Variants in NR2C2 observed in about 807,000 individuals in gnomAD.
NR2C2 encodes Nuclear hormone receptor TR4.
NR2C2 carries 6 observed loss-of-function variants against 62.9 expected under a neutral mutation model. The ratio of observed to expected loss-of-function variants is 0.10; its 90% CI spans 0.05 to 0.19. The LOEUF (loss-of-function observed/expected upper bound fraction) is 0.19, where lower values mean the gene tolerates loss of function less well. Ranked by LOEUF, NR2C2 falls within the 10% of genes least tolerant of loss-of-function variation. The probability of loss-of-function intolerance (pLI) is 1.00; values close to 1 mark genes in which losing one functional copy is unlikely to be tolerated. For missense variants in NR2C2, 479 were observed against 762.7 expected, an observed-to-expected ratio of 0.63 and a Z score of 4.38; for synonymous variants, 272 against 273.8, an observed-to-expected ratio of 0.99 and a Z score of 0.07.
At chr3:15,009,655 T>G (rs1331378884) in intron 2 of NR2C2, among the ~76,000 whole-genome samples, 1 of 152,232 alleles carries the variant, frequency 6.6e-6, no homozygotes, top group Non-Finnish European at 1.5e-5. Flanking sequence ...ATTTAAGAAC[T>G]TTTGTTCCAA....
chr3:14,981,700 C>T (rs1428982749), intron 1 of NR2C2, among the ~76,000 whole-genome samples: 4 of 152,026 alleles, frequency 2.6e-5, no homozygotes, highest in Non-Finnish European at 5.9e-5. Flanking sequence ...GAAGTCAGTC[C>T]GAGTCCCAAG....
At chr3:14,950,374 A>T (rs1302349427) in intron 1 of NR2C2, among the ~76,000 whole-genome samples, 1 of 152,230 alleles carries the variant, frequency 6.6e-6, no homozygotes, top group Non-Finnish European at 1.5e-5. Flanking sequence ...GCGCCACTAG[A>T]ACCCACGTAA....
intron 7 of NR2C2, among the ~76,000 whole-genome samples, chr3:15,028,021 G>A (rs138575865): frequency 6.6e-6 from 1 of 152,144 alleles, no homozygotes; most frequent in Non-Finnish European, 1.5e-5. Context: ...ACCATGCCTG[G>A]CTAATTTTTT....
Position 14,957,001 on chromosome 3 carries a change from A to G in NR2C2, c.-40+9095A>G, listed in dbSNP as rs371866674. On this transcript the variant is annotated intron_variant, in intron 1 of 13. Transcript: ENST00000425241. ...GTGGCACCATCACCTTTCACCAATG[A>G]TAGCTACCATGTGTTGCATTTCTAT... Among the ~76,000 whole-genome samples the G allele has an allele frequency of 3.9e-5, 6 of 152,336 alleles. No individual in the cohort carries two copies. In the East Asian group the frequency reaches 7.7e-4, roughly 20 times the overall value.
chr3:15,019,208 C>CT (rs1246057117), intron 4 of NR2C2, among the ~76,000 whole-genome samples: 24 of 151,118 alleles, frequency 1.6e-4, no homozygotes, highest in African/African-American at 5.6e-4. Context: ...GTCTGAGTGA[C>CT]TAAGACTCTT....
rs1357686163 is a variant in NR2C2 at position 15,028,604 on chromosome 3, G to A, written c.817G>A (p.Ala273Thr). ...TDSKAETSQGALGTLANVVTS... is the reference protein window; with the variant it reads ...TDSKAETSQGTLGTLANVVTS... ...TTAATAGGCTGAAACAAGCCAGGGA[G>A]CTCTGGGCACACTGGCAAATGTAGT... is the stretch of plus-strand genomic sequence containing the variant. The change falls in exon 8 of 14, where the codon GCT (alanine) becomes ACT (threonine). Residue 273 changes from alanine (A) to threonine (T), a missense_variant. Around this residue, in one of 4 missense-constraint regions of NR2C2, gnomAD observed 151 missense variants for 176.1 expected, o/e 0.86. Coordinates refer to ENST00000425241, the MANE Select transcript of NR2C2 (RefSeq NM_001291694.2). 6.2e-7 allele frequency: 1 copy of A among 1,613,706 alleles called. No homozygotes were observed. The highest frequency in any genetic ancestry group is 8.5e-7 in the Non-Finnish European group (1 of 1,179,688).
rs76743561 is a variant in NR2C2 at position 14,979,153 on chromosome 3, C to T, written c.-39-24723C>T. 3.8e-4 allele frequency among the ~76,000 whole-genome samples: 58 copies of T among 152,194 alleles called. No homozygotes were observed. The East Asian group carries it at 6.4e-3, about 17-fold the overall frequency. Reference sequence around the variant, plus strand: ...ATATCTCCTTGACTATTCTTTTTGTCTTTGTGGGTTTGTACATTTTTGTTT... The same window carrying T: ...ATATCTCCTTGACTATTCTTTTTGTTTTTGTGGGTTTGTACATTTTTGTTT... On this transcript the variant is annotated intron_variant, in intron 1 of 13. Coordinates refer to ENST00000425241, the MANE Select transcript of NR2C2 (RefSeq NM_001291694.2).
intron 1 of NR2C2, among the ~76,000 whole-genome samples, chr3:14,984,264 C>CT (rs908468589): frequency 2.6e-5 from 4 of 152,136 alleles, no homozygotes; most frequent in Admixed American, 6.6e-5. Flanking sequence ...TGTCATCTCT[C>CT]TTTTTTTCCC....
intron 1 of NR2C2, among the ~76,000 whole-genome samples, chr3:14,976,972 AAT>A (rs556353645): frequency 8.3e-4 from 127 of 152,148 alleles, no homozygotes; most frequent in African/African-American, 2.9e-3. Flanking sequence ...TTTTTTCATA[AAT>A]GATACCGTGC....
At chr3:15,003,113 T>A (rs768151116) in intron 1 of NR2C2, among the ~76,000 whole-genome samples, 642 of 91,936 alleles carry the variant, frequency 7.0e-3, no homozygotes, top group Admixed American at 0.018. Flanking sequence ...GCCTGGCTAA[T>A]TTTTTTTTTT....
intron 10 of NR2C2, chr3:15,034,446 T>G: frequency 2.1e-6 from 1 of 473,346 alleles, no homozygotes. Flanking sequence ...TTAAAGAATG[T>G]TTTTTAAGAG....
chr3:15,031,653 G>A (rs952419643), intron 9 of NR2C2, among the ~76,000 whole-genome samples: 1 of 151,752 alleles, frequency 6.6e-6, no homozygotes, highest in Non-Finnish European at 1.5e-5. Context: ...TGTCACATGA[G>A]CTGCTTAGCT....
At chr3:15,025,957 A>T (rs2041811350) in intron 7 of NR2C2, 1 of 151,994 alleles carries the variant, frequency 6.6e-6, no homozygotes, top group Non-Finnish European at 1.5e-5. Context: ...TTTTGTAATC[A>T]AGACATAACC....
In NR2C2 at chr3:15,045,355, C is replaced by G. The variant is rs1329938531; in HGVS notation, c.*2347C>G. The G allele has an allele frequency of 6.6e-6, 1 of 152,648 alleles. No homozygotes were observed. The highest frequency in any genetic ancestry group is 1.5e-5 in the Non-Finnish European group (1 of 68,062). The allele number at this position is 152,648 out of a possible 1,614,324, so 9.5% of individuals were successfully genotyped here. A position where few individuals can be genotyped will look rare whatever the true frequency, so the allele number is the denominator to read the frequency against. ...TCATTCAGTGGCAGCCAGTAGGCTG[C>G]TTAGACTCAGGCTGGATAAGGAAGT... is the stretch of plus-strand genomic sequence containing the variant. On this transcript the variant is annotated 3_prime_UTR_variant, in exon 14 of 14. Coordinates refer to ENST00000425241, the MANE Select transcript of NR2C2 (RefSeq NM_001291694.2).
At chr3:14,999,668 G>C (rs1016220116) in intron 1 of NR2C2, among the ~76,000 whole-genome samples, 3 of 140,798 alleles carry the variant, frequency 2.1e-5, no homozygotes, top group Non-Finnish European at 4.9e-5. Context: ...GATCCATTTT[G>C]ATTTTTTTTT....
intron 1 of NR2C2, among the ~76,000 whole-genome samples, chr3:14,971,384 C>T (rs1023307258): frequency 6.6e-6 from 1 of 151,580 alleles, no homozygotes; most frequent in Non-Finnish European, 1.5e-5. Context: ...TCCCAAAGTG[C>T]TGGGATTACA....
intron 5 of NR2C2, 119 bp from the exon 6 acceptor site, chr3:15,023,081 C>A: frequency 9.1e-7 from 1 of 1,099,252 alleles, no homozygotes; most frequent in Non-Finnish European, 1.3e-6. Flanking sequence ...GAAAGCTGAG[C>A]TAGATGAACC....
chr3:14,956,564 CAA>C (rs936429290), intron 1 of NR2C2, among the ~76,000 whole-genome samples: 15 of 152,010 alleles, frequency 9.9e-5, no homozygotes, highest in African/African-American at 3.4e-4. Context: ...TTTTTTGAGA[CAA>C]GAGTTTTACT....
At chr3:15,019,092 G>A (rs1431834698) in intron 4 of NR2C2, among the ~76,000 whole-genome samples, 2 of 150,106 alleles carry the variant, frequency 1.3e-5, no homozygotes, top group Non-Finnish European at 3.0e-5. Flanking sequence ...CTAGTGTGGT[G>A]GTGCACACCT....
Sources: allele counts gnomAD v4.1 joint callset (sites outside exome capture counted in the v4.1 genomes callset), GRCh38; gene constraint gnomAD v4.1.1; regional missense constraint gnomAD v4.1.1; transcripts MANE v1.5; gene names NCBI Gene and HGNC (gene_info 2026-07-23, HGNC 2026-07-21).